MME: variants seen among roughly 807,000 people sequenced by gnomAD.
MME encodes neprilysin.
MME carries 98 observed loss-of-function variants against 113.2 expected under a neutral mutation model. The observed-to-expected ratio is 0.87, with a 90% CI of 0.74 to 1.02. The LOEUF (loss-of-function observed/expected upper bound fraction) is 1.02, where lower values mean the gene tolerates loss of function less well. MME is among the 50% of genes least tolerant of loss of function. The probability of loss-of-function intolerance (pLI) is 0.00; values close to 1 mark genes in which losing one functional copy is unlikely to be tolerated. For synonymous variants in MME, 292 were observed against 300.6 expected (o/e 0.97, Z 0.30); for missense variants, 836 against 896.0 (o/e 0.93, Z 0.86).
chr3:155,058,468 G>A (rs572628912), intron 1 of MME, among the ~76,000 whole-genome samples: 14 of 152,182 alleles, frequency 9.2e-5, no homozygotes, highest in South Asian at 6.2e-4. Flanking sequence ...AACATAGCAC[G>A]TTAATGTTAG....
intron 1 of MME, among the ~76,000 whole-genome samples, chr3:155,072,136 C>A (rs1714587567): frequency 7.0e-6 from 1 of 142,440 alleles, no homozygotes; most frequent in Non-Finnish European, 1.5e-5. Flanking sequence ...AGTCCGCAGT[C>A]CGGCCTGGGC....
intron 3 of MME, among the ~76,000 whole-genome samples, chr3:155,111,890 T>C (rs2108243440): frequency 6.6e-6 from 1 of 152,338 alleles, no homozygotes; most frequent in African/African-American, 2.4e-5. Context: ...AAGTGTGTTC[T>C]TAGAATGTCT....
upstream of MME, among the ~76,000 whole-genome samples, chr3:155,076,785 C>T (rs1273341692): frequency 6.6e-6 from 1 of 152,080 alleles, no homozygotes; most frequent in Non-Finnish European, 1.5e-5. Context: ...AGGGTCCCTC[C>T]CCTTTTTAAA....
chr3:155,084,047 T>C, intron 1 of MME, 111 bp from the exon 2 acceptor site: 1 of 1,041,806 alleles, frequency 9.6e-7, no homozygotes, highest in Non-Finnish European at 1.4e-6. Flanking sequence ...AAAAATGTAT[T>C]TCTATTTTAA....
At chr3:155,036,327 T>C (rs779781882) in intron 1 of MME, among the ~76,000 whole-genome samples, 10 of 152,184 alleles carry the variant, frequency 6.6e-5, no homozygotes, top group Non-Finnish European at 1.0e-4. Flanking sequence ...GTTTGAGAAG[T>C]TTTGACAGTT....
At chr3:155,148,483 T>C (rs1300904743) in intron 15 of MME, 67 bp from the exon 16 acceptor site, 20 of 1,079,722 alleles carry the variant, frequency 1.9e-5, no homozygotes, top group Non-Finnish European at 2.3e-5. Context: ...AAAATCCCTA[T>C]GTTTTTAGCA....
At chr3:155,058,757 T>C (rs1714027540) in intron 1 of MME, among the ~76,000 whole-genome samples, 1 of 152,182 alleles carries the variant, frequency 6.6e-6, no homozygotes, top group South Asian at 2.1e-4. Context: ...ATTGATATAT[T>C]TGAAAAATCC....
At chr3:155,147,013 T>C in intron 14 of MME, 131 bp from the exon 15 acceptor site, 1 of 671,304 alleles carries the variant, frequency 1.5e-6, no homozygotes, top group Non-Finnish European at 2.7e-6. Context: ...AGATCTCTGT[T>C]TAAGTATGTC....
chr3:155,153,583 C>T (rs1247562820), intron 16 of MME, among the ~76,000 whole-genome samples: 1 of 152,094 alleles, frequency 6.6e-6, no homozygotes, highest in Non-Finnish European at 1.5e-5. Context: ...AAATGAGTCT[C>T]TTGTTTTTAG....
At chr3:155,143,272 G>C (rs150450931) in intron 12 of MME, among the ~76,000 whole-genome samples, 171 bp from the exon 13 acceptor site, 158 of 152,256 alleles carry the variant, frequency 1.0e-3, no homozygotes, top group African/African-American at 3.2e-3. Flanking sequence ...TCATATATAA[G>C]TAAACAATCC....
At chr3:155,129,851 C>T (rs182736801) in intron 8 of MME, among the ~76,000 whole-genome samples, 1 of 152,182 alleles carries the variant, frequency 6.6e-6, no homozygotes, top group Non-Finnish European at 1.5e-5. Context: ...ATAAACATAA[C>T]CATTCCCATT....
chr3:155,083,942 G>A (rs927615252), intron 1 of MME: 1 of 516,496 alleles, frequency 1.9e-6, no homozygotes, highest in South Asian at 2.2e-5. Flanking sequence ...CAAAACAACA[G>A]CAACAAAAAA....
Position 155,168,644 on chromosome 3 carries a change from C to A in MME, c.1914+19C>A, listed in dbSNP as rs1213837774. The stretch of plus-strand genomic sequence containing the variant: ...ACAGCACGTATGTCATTAGCATTCT[C>A]TTGAAAAGTTTTAGACATGTTCAAT... On this transcript the variant is annotated intron_variant, in intron 19 of 22. Coordinates refer to ENST00000360490, the MANE Select transcript of MME (RefSeq NM_007289.4). The A allele has an allele frequency of 1.9e-6, 3 of 1,613,682 alleles. No individual in the cohort carries two copies. Among genetic ancestry groups the A allele is most frequent in the Non-Finnish European group, 2.5e-6 (3 of 1,179,776 alleles).
rs5853709 is a variant in MME at position 155,044,125 on chromosome 3, C to CTTTTT, written c.-11+19820_-11+19824dup. On this transcript the variant is annotated intron_variant, in intron 1 of 22. Coordinates refer to the MME transcript ENST00000492661. ...TATGTTGAATATTTTCTTCCTTTTT[C>CTTTTT]TTTTTTTTTTTTTTTTTTTTTTTGA... Among the ~76,000 whole-genome samples, 162 of 89,192 alleles carry CTTTTT rather than the reference C, an allele frequency of 1.8e-3. 1 individual carries two copies. The highest frequency in any genetic ancestry group is 2.6e-3 in the African/African-American group (62 of 24,008). 58.5% of individuals were successfully genotyped at this position (89,192 alleles called of 152,430 possible).
intron 22 of MME, among the ~76,000 whole-genome samples, chr3:155,178,945 C>T (rs554251678): frequency 2.6e-5 from 4 of 152,046 alleles, no homozygotes; most frequent in Non-Finnish European, 5.9e-5. Flanking sequence ...TGTATTTTGC[C>T]CTCATAGAAA....
chr3:155,103,950 T>C (rs956141024), intron 3 of MME, among the ~76,000 whole-genome samples: 3 of 152,198 alleles, frequency 2.0e-5, no homozygotes, highest in African/African-American at 7.2e-5. Context: ...GGAGGAGCTT[T>C]ACTTATCAAC....
chr3:155,077,723 G>C (rs989629386), upstream of MME, among the ~76,000 whole-genome samples: 2 of 150,380 alleles, frequency 1.3e-5, no homozygotes, highest in Admixed American at 6.6e-5. Flanking sequence ...AAAAAAAAAC[G>C]AACAACAGCA....
chr3:155,103,092 C>A (rs1411433338), intron 3 of MME, among the ~76,000 whole-genome samples: 2 of 152,204 alleles, frequency 1.3e-5, no homozygotes, highest in Non-Finnish European at 2.9e-5. Flanking sequence ...CCCAGAGCAT[C>A]CTATACGCTT....
Position 155,110,146 on chromosome 3 carries a change from A to G in MME, c.197-4848A>G, listed in dbSNP as rs144582973. On this transcript the variant is annotated intron_variant, in intron 3 of 22. Coordinates refer to ENST00000360490, the MANE Select transcript of MME (RefSeq NM_007289.4). ...GGAGAAGACAGGACAAAGGAAGAGT[A>G]AAAGGGTACTTGAAAAGGACTGGAA... 2.6e-3 allele frequency among the ~76,000 whole-genome samples: 395 copies of G among 152,350 alleles called. 3 individuals carry two copies. Among genetic ancestry groups the G allele is most frequent in the African/African-American group, 9.0e-3 (374 of 41,582 alleles).
Sources: gnomAD v4.1 joint callset for allele counts (sites outside exome capture counted in the v4.1 genomes callset) on GRCh38, gnomAD v4.1.1 for gene constraint, MANE v1.5 for transcripts, NCBI Gene and HGNC (gene_info 2026-07-23, HGNC 2026-07-21) for gene names.